The following TNRC18 variants were observed in gnomAD, a reference collection of about 807,000 sequenced individuals.
The protein encoded by TNRC18 is trinucleotide repeat-containing gene 18 protein.
TNRC18 carries 69 observed loss-of-function variants against 226.7 expected under a neutral mutation model. The ratio of observed to expected loss-of-function variants is 0.30; its 90% CI spans 0.25 to 0.37. The LOEUF is 0.37. Ranked by LOEUF, TNRC18 falls within the 10% of genes least tolerant of loss-of-function variation. TNRC18 has a pLI of 1.00. For missense variants in TNRC18, 4,754 were observed against 4,256.6 expected (o/e 1.12, Z -3.25); for synonymous variants, 2,449 against 1,927.6 (o/e 1.27, Z -7.09).
chr7:5,346,492 G>T (rs1396747137), intron 17 of TNRC18, among the ~76,000 whole-genome samples: 1 of 152,130 alleles, frequency 6.6e-6, no homozygotes, highest in Non-Finnish European at 1.5e-5. Context: ...GTGAGACTCA[G>T]TCTCAAAAAA....
At chr7:5,345,521 C>CCCCCCCCCCCCCCCCCCCCCCCCCCCA in intron 18 of TNRC18, 41 bp downstream of exon 18, 3 of 189,874 alleles carry the variant, frequency 1.6e-5, no homozygotes, top group African/African-American at 2.5e-5. Flanking sequence ...GCGTCCGCCC[C>CCCCCCCCCCCCCCCCCCCCCCCCCCCA]TCCCACCCAC....
intron 15 of TNRC18, 140 bp downstream of exon 15, chr7:5,359,258 G>C (rs1016943282): frequency 4.0e-5 from 36 of 891,038 alleles, no homozygotes; most frequent in Non-Finnish European, 5.6e-5. Context: ...TTGGAGAAGA[G>C]TCATTCCGGC....
intron 9 of TNRC18, among the ~76,000 whole-genome samples, 198 bp downstream of exon 9, chr7:5,375,836 C>T (rs1456194190): frequency 6.6e-6 from 1 of 152,220 alleles, no homozygotes; most frequent in African/African-American, 2.4e-5. Context: ...ACAGCTCCCT[C>T]CGCCTGGAGA....
At chr7:5,357,544 T>TGG (rs1273652455) in intron 15 of TNRC18, among the ~76,000 whole-genome samples, 1 of 152,204 alleles carries the variant, frequency 6.6e-6, no homozygotes, top group Non-Finnish European at 1.5e-5. Flanking sequence ...CCCGACTAGC[T>TGG]GGGAGTCGCA....
At chr7:5,345,526 A>ACCCCCCCCCCCCCCCCCCACCC in intron 18 of TNRC18, 36 bp downstream of exon 18, 1 of 177,498 alleles carries the variant, frequency 5.6e-6, no homozygotes, top group Non-Finnish European at 1.1e-5. Context: ...CGCCCCTCCC[A>ACCCCCCCCCCCCCCCCCCACCC]CCCACCCCCA....
At chr7:5,330,981 T>C (rs1789470464) in intron 19 of TNRC18, among the ~76,000 whole-genome samples, 1 of 152,102 alleles carries the variant, frequency 6.6e-6, no homozygotes, top group Admixed American at 6.6e-5. Context: ...GGCTGAATCA[T>C]TATTATTATT....
chr7:5,372,408 A>C (rs1794248371), intron 10 of TNRC18, among the ~76,000 whole-genome samples: 1 of 151,622 alleles, frequency 6.6e-6, no homozygotes, highest in East Asian at 1.9e-4. Flanking sequence ...TTTTTAGTAG[A>C]GACGGGGATT....
chr7:5,372,846 G>A (rs1316921370), intron 10 of TNRC18, among the ~76,000 whole-genome samples: 1 of 152,092 alleles, frequency 6.6e-6, no homozygotes, highest in Admixed American at 6.6e-5. Flanking sequence ...AACAAAGCAA[G>A]ACACATCTGT....
chr7:5,389,739 G>A (rs993175836), intron 4 of TNRC18: 5 of 156,320 alleles, frequency 3.2e-5, no homozygotes, highest in Non-Finnish European at 5.6e-5. Context: ...ACAGGCTTGA[G>A]CCGCACTCGA....
At position 5,308,184 on chromosome 7, in the gene TNRC18, G is replaced by T. The variant is rs768910011; in HGVS notation, c.8829C>A (p.Gly2943=). 34 of 1,601,290 alleles carry T rather than the reference G, an allele frequency of 2.1e-5. No homozygotes were observed. The highest frequency in any genetic ancestry group is 2.9e-5 in the Non-Finnish European group (34 of 1,174,898). Residue 2943 remains glycine (G), a synonymous_variant, in exon 30 of 30, where the codon GGC becomes GGA. Transcript: ENST00000430969. The stretch of plus-strand genomic sequence containing the variant: ...CGTAGGTGCCCGCGAGGTAGTACAG[G>T]CCCTCGCTGTCCTGGTACTTCTTGG... ...LKTKKYQDSE[G]LYYLAGTYEP...
chr7:5,389,149 C>A lies in TNRC18; in HGVS notation c.675G>T (p.Pro225=), dbSNP rs898095773. 4 of 1,324,540 alleles carry A rather than the reference C, an allele frequency of 3.0e-6. No individual in the cohort carries two copies. The highest frequency in any genetic ancestry group is 1.6e-5 in the African/African-American group (1 of 63,538). The allele number at this position is 1,324,540 out of a possible 1,614,324, so 82.0% of individuals were successfully genotyped here. Residue 225 remains proline, a synonymous_variant, in exon 5 of 30, where the codon CCG becomes CCT. Coordinates refer to ENST00000430969, the MANE Select transcript of TNRC18 (RefSeq NM_001080495.3). The part of the protein sequence containing the change: ...EPPPLFGKKD[P]RARGEEASGP... ...CCGAGGCCTCCTCGCCCCGGGCGCG[C>A]GGGTCCTTCTTGCCGAAAAGCGGAG...
Position 5,376,055 on chromosome 7 carries a change from C to A in TNRC18, c.2778G>T (p.Leu926=). Residue 926 remains leucine (L), a synonymous_variant, in exon 9 of 30, where the codon CTG becomes CTT. Transcript: ENST00000430969. The part of the protein sequence containing the change: ...LQQQAAQALE[L]QRSAQLVQER... Reference sequence around the variant, plus strand: ...TTACCACGAGCTGGGCGCTCCTCTGCAGTTCCAAGGCCTGGGCCGCCTGCT... The same window carrying A: ...TTACCACGAGCTGGGCGCTCCTCTGAAGTTCCAAGGCCTGGGCCGCCTGCT... The A allele has an allele frequency of 3.1e-6, 5 of 1,596,086 alleles. No individual in the cohort carries two copies. The highest frequency in any genetic ancestry group is 1.1e-5 in the South Asian group (1 of 88,030).
At position 5,309,446 on chromosome 7, in the gene TNRC18, G is replaced by C; in HGVS notation, c.8389-78C>G. ...CGCCGCCTGGCAGGCTCTGCCGCTTGGGACTCTGGGCCCTCGGCCTCTAAA... is the reference window on the plus strand; with the variant it reads ...CGCCGCCTGGCAGGCTCTGCCGCTTCGGACTCTGGGCCCTCGGCCTCTAAA... On this transcript the variant is annotated intron_variant, in intron 27 of 29. Coordinates refer to ENST00000430969, the MANE Select transcript of TNRC18 (RefSeq NM_001080495.3). This position sits in a 1 kb window ranked among gnomAD's most constrained non-coding sequence, Gnocchi z 5.7. 4 of 1,323,604 alleles carry C rather than the reference G, an allele frequency of 3.0e-6. No homozygotes were observed. Among genetic ancestry groups the C allele is most frequent in the Non-Finnish European group, 4.2e-6 (4 of 961,526 alleles). 82.0% of individuals were successfully genotyped at this position (1,323,604 alleles called of 1,614,324 possible).
intron 2 of TNRC18, among the ~76,000 whole-genome samples, chr7:5,401,181 T>A (rs896105585): frequency 7.2e-6 from 1 of 138,058 alleles, no homozygotes; most frequent in Admixed American, 7.7e-5. Flanking sequence ...TGGGGACCCT[T>A]CTAGAAACTG....
Position 5,316,305 on chromosome 7 carries a change from G to A in TNRC18, c.6746-233C>T, listed in dbSNP as rs565845657. 3.2e-4 allele frequency among the ~76,000 whole-genome samples: 37 copies of A among 115,200 alleles called. No homozygotes were observed. In the East Asian group the frequency reaches 0.011, roughly 34 times the overall value. The allele number at this position is 115,200 out of a possible 152,430, so 75.6% of individuals were successfully genotyped here. The stretch of plus-strand genomic sequence containing the variant: ...TTTTTTTTTTTTTTTTTGAGACAGA[G>A]TTTCGCTGTCGATGCCCAGGCTGGA... On this transcript the variant is annotated intron_variant, in intron 24 of 29. Transcript: ENST00000430969.
chr7:5,335,301 C>CCAAAAA (rs1281053431), intron 18 of TNRC18, among the ~76,000 whole-genome samples: 1 of 58,520 alleles, frequency 1.7e-5, no homozygotes, highest in Non-Finnish European at 3.0e-5. Context: ...GAATCTGTCT[C>CCAAAAA]AAAAAAAAAA....
At chr7:5,330,824 C>A (rs1340718365) in intron 19 of TNRC18, among the ~76,000 whole-genome samples, 1 of 152,128 alleles carries the variant, frequency 6.6e-6, no homozygotes, top group African/African-American at 2.4e-5. Flanking sequence ...CAGGCACCCG[C>A]CACCATGCCT....
At position 5,309,511 on chromosome 7, in the gene TNRC18, T is replaced by C. The variant is rs1453144423; in HGVS notation, c.8389-143A>G. 5.5e-5 allele frequency: 38 copies of C among 695,764 alleles called. No homozygotes were observed. Among genetic ancestry groups the C allele is most frequent in the Non-Finnish European group, 9.0e-5 (38 of 420,028 alleles). 43.1% of individuals were successfully genotyped at this position (695,764 alleles called of 1,614,324 possible). On this transcript the variant is annotated intron_variant, in intron 27 of 29. Transcript: ENST00000430969. The surrounding 1 kb of genome is among the most constrained non-coding windows in gnomAD (Gnocchi z 5.7). Reference sequence around the variant, plus strand: ...ACTGTGGGGAGATGAGGAAGCTCCTTGTCTCGCTTCAAGTGGGGAAGCCCC... The same window carrying C: ...ACTGTGGGGAGATGAGGAAGCTCCTCGTCTCGCTTCAAGTGGGGAAGCCCC...
chr7:5,390,876 C>G (rs559443074), intron 3 of TNRC18, among the ~76,000 whole-genome samples: 1 of 151,876 alleles, frequency 6.6e-6, no homozygotes, highest in East Asian at 1.9e-4. Context: ...CAGAATGGAT[C>G]CAACTAGCGG....
Sources: allele counts gnomAD v4.1 joint callset (sites outside exome capture counted in the v4.1 genomes callset), GRCh38; gene constraint gnomAD v4.1.1; non-coding constraint Gnocchi (gnomAD v3.1); transcripts MANE v1.5; gene names NCBI Gene and HGNC (gene_info 2026-07-23, HGNC 2026-07-21).